ZNF540: variants seen among roughly 807,000 people sequenced by gnomAD.
ZNF540 encodes CTD-3064H18.6.
A neutral mutation model predicts 11.8 loss-of-function variants in ZNF540; 3 were observed. The ratio of observed to expected loss-of-function variants is 0.25; its 90% CI spans 0.12 to 0.65. The LOEUF is 0.65. Ranked by LOEUF, ZNF540 falls within the 30% of genes least tolerant of loss-of-function variation. The pLI is 0.83. For synonymous variants in ZNF540, 247 were observed against 259.0 expected, an observed-to-expected ratio of 0.95 and a Z score of 0.45; for missense variants, 709 against 793.1, an observed-to-expected ratio of 0.89 and a Z score of 1.27.
In ZNF540 at chr19:37,582,552, A is replaced by G. The variant is rs573854104; in HGVS notation, c.-72-15824A>G. Reference sequence around the variant, plus strand: ...AATCTCATTCAGTTCCTCGGTACAGAGAGTAATCCCATATTTATCTCTTCA... The same window carrying G: ...AATCTCATTCAGTTCCTCGGTACAGGGAGTAATCCCATATTTATCTCTTCA... On this transcript the variant is annotated intron_variant, in intron 1 of 4. Transcript: ENST00000592533. Among the ~76,000 whole-genome samples, 12 of 152,274 alleles carry G rather than the reference A, an allele frequency of 7.9e-5. No individual in the cohort carries two copies. In the East Asian group the frequency reaches 1.7e-3, roughly 22 times the overall value.
chr19:37,606,679 G>A (rs986559609), intron 4 of ZNF540, among the ~76,000 whole-genome samples: 10 of 152,098 alleles, frequency 6.6e-5, no homozygotes, highest in Non-Finnish European at 1.2e-4. Flanking sequence ...TTAGCTATTG[G>A]TACATCTTTG....
intron 1 of ZNF540, chr19:37,563,145 T>C (rs565817168): frequency 6.6e-5 from 10 of 151,978 alleles, no homozygotes; most frequent in African/African-American, 1.9e-4. Context: ...TGAGGAAACA[T>C]AGTGAGACCC....
intron 1 of ZNF540, among the ~76,000 whole-genome samples, chr19:37,558,352 C>T (rs2042683080): frequency 6.6e-6 from 1 of 152,098 alleles, no homozygotes; most frequent in African/African-American, 2.4e-5. Flanking sequence ...ATATCTGGGG[C>T]TGCCTGAGCC....
At chr19:37,599,803 C>G in intron 3 of ZNF540, 51 bp downstream of exon 3, 1 of 1,487,542 alleles carries the variant, frequency 6.7e-7, no homozygotes. Flanking sequence ...GAAATAGTAG[C>G]TTTCTCTTCC....
At chr19:37,580,097 A>G (rs2043397983) in intron 1 of ZNF540, among the ~76,000 whole-genome samples, 1 of 152,206 alleles carries the variant, frequency 6.6e-6, no homozygotes, top group Non-Finnish European at 1.5e-5. Flanking sequence ...TACACTAGCT[A>G]CTATAATTAT....
chr19:37,596,923 T>G lies in ZNF540; in HGVS notation c.-72-1453T>G, dbSNP rs566987751. Among the ~76,000 whole-genome samples, 28 of 152,334 alleles carry G rather than the reference T, an allele frequency of 1.8e-4. No homozygotes were observed. The East Asian group carries it at 5.2e-3, about 28-fold the overall frequency. On this transcript the variant is annotated intron_variant, in intron 1 of 4. Transcript: ENST00000316433. The stretch of plus-strand genomic sequence containing the variant: ...CTTTTAGTCATTAAACCCAAGTCAT[T>G]ATTCACGCTTGGGTTTTATTAGGCG...
In ZNF540 at chr19:37,613,337, G is replaced by T; in HGVS notation, c.*74G>T. 9.0e-7 allele frequency: 1 copy of T among 1,114,798 alleles called. No individual in the cohort carries two copies. 69.1% of individuals were successfully genotyped at this position (1,114,798 alleles called of 1,614,324 possible). A position where few individuals can be genotyped will look rare whatever the true frequency, so the allele number is the denominator to read the frequency against. The stretch of plus-strand genomic sequence containing the variant: ...ATTTATGGCCAGAAGTTCTGTCAAT[G>T]TGTTGATGTTTTTTTACACATATTA... On this transcript the variant is annotated 3_prime_UTR_variant, in exon 5 of 5. Coordinates refer to ENST00000316433, the MANE Select transcript of ZNF540 (RefSeq NM_001172225.3).
At chr19:37,586,640 T>C (rs2043683864) in intron 1 of ZNF540, 12 of 1,613,662 alleles carry the variant, frequency 7.4e-6, no homozygotes, top group Non-Finnish European at 1.0e-5. Flanking sequence ...ATGATTGTAC[T>C]TCAAGAAGGA....
intron 4 of ZNF540, among the ~76,000 whole-genome samples, chr19:37,602,300 G>A (rs2044045351): frequency 6.6e-6 from 1 of 152,152 alleles, no homozygotes; most frequent in Non-Finnish European, 1.5e-5. Flanking sequence ...TATTTAAAAT[G>A]CCTACTTGTC....
intron 4 of ZNF540, among the ~76,000 whole-genome samples, chr19:37,603,416 T>C (rs944863937): frequency 6.6e-6 from 1 of 152,212 alleles, no homozygotes; most frequent in Non-Finnish European, 1.5e-5. Context: ...TAGGATCCAG[T>C]GCACAAGAAA....
chr19:37,589,629 T>A (rs1568361143), intron 1 of ZNF540, among the ~76,000 whole-genome samples: 2 of 152,026 alleles, frequency 1.3e-5, no homozygotes, highest in Non-Finnish European at 2.9e-5. Flanking sequence ...AAGATACACC[T>A]ATCAGATCTG....
At chr19:37,605,971 A>C (rs2044082501) in intron 4 of ZNF540, among the ~76,000 whole-genome samples, 1 of 152,206 alleles carries the variant, frequency 6.6e-6, no homozygotes, top group Non-Finnish European at 1.5e-5. Flanking sequence ...GTAAGTGCAC[A>C]CTTGGTGACT....
intron 1 of ZNF540, chr19:37,565,811 C>A (rs201388956): frequency 6.2e-7 from 1 of 1,609,836 alleles, no homozygotes; most frequent in Middle Eastern, 1.7e-4. Flanking sequence ...ATCAGAAGTA[C>A]GACCAAAGGC....
intron 1 of ZNF540, among the ~76,000 whole-genome samples, chr19:37,571,718 T>C (rs1252313385): frequency 6.6e-6 from 1 of 152,176 alleles, no homozygotes; most frequent in African/African-American, 2.4e-5. Context: ...CCAACATATG[T>C]TGAGGAGCAT....
intron 1 of ZNF540, among the ~76,000 whole-genome samples, chr19:37,584,838 C>A (rs1393434863): frequency 6.6e-6 from 1 of 151,928 alleles, no homozygotes; most frequent in Non-Finnish European, 1.5e-5. Flanking sequence ...ATGGTGGGCA[C>A]CTGTAGTCCC....
chr19:37,603,439 T>C (rs2044056271), intron 4 of ZNF540, among the ~76,000 whole-genome samples: 1 of 152,206 alleles, frequency 6.6e-6, no homozygotes, highest in South Asian at 2.1e-4. Flanking sequence ...TTTAGAGAAC[T>C]ATAGATACGA....
At chr19:37,591,055 A>G (rs1182281692), upstream of ZNF540, among the ~76,000 whole-genome samples, 1 of 149,828 alleles carries the variant, frequency 6.7e-6, no homozygotes, top group Admixed American at 6.6e-5. Flanking sequence ...TGTCTGAACT[A>G]TTATTATAAA....
At chr19:37,555,563 T>C in intron 1 of ZNF540, 1 of 263,748 alleles carries the variant, frequency 3.8e-6, no homozygotes. Flanking sequence ...CTCGTTCCTG[T>C]TGGCGCCTAT....
At chr19:37,601,928 T>C (rs2147227540) in intron 4 of ZNF540, among the ~76,000 whole-genome samples, 1 of 152,356 alleles carries the variant, frequency 6.6e-6, no homozygotes, top group Non-Finnish European at 1.5e-5. Flanking sequence ...TGGATTTTTC[T>C]TTTCCAAGAG....
Sources: allele counts gnomAD v4.1 joint callset (sites outside exome capture counted in the v4.1 genomes callset), GRCh38; gene constraint gnomAD v4.1.1; transcripts MANE v1.5; gene names NCBI Gene and HGNC (gene_info 2026-07-23, HGNC 2026-07-21).